The following ZNF451 variants were observed in gnomAD, a reference collection of about 807,000 sequenced individuals.
ZNF451 encodes zinc finger protein 451.
In ZNF451, 80 loss-of-function variants were observed where a neutral mutation model predicts 107.1. That is an observed-to-expected ratio of 0.75 (90% CI 0.62 to 0.90). The LOEUF (loss-of-function observed/expected upper bound fraction) is 0.90. Ranked by LOEUF, ZNF451 falls within the 40% of genes least tolerant of loss-of-function variation. The pLI is 0.00. For missense variants in ZNF451, 1,107 were observed against 1,236.2 expected (o/e 0.90, Z 1.57); for synonymous variants, 362 against 406.5 (o/e 0.89, Z 1.32).
At chr6:57,123,104 G>A (rs1026543299) in intron 3 of ZNF451, among the ~76,000 whole-genome samples, 2 of 152,138 alleles carry the variant, frequency 1.3e-5, no homozygotes, top group Admixed American at 6.5e-5. Flanking sequence ...GCAGGTCAGG[G>A]CTGCGGTGAG....
intron 3 of ZNF451, chr6:57,100,898 C>G (rs3800023): frequency 0.14 from 212,944 of 1,550,494 alleles, 15,610 homozygotes; most frequent in Middle Eastern, 0.2. Flanking sequence ...TTGGCCTCTT[C>G]TGAGGTCAAA....
chr6:57,144,948 T>G (rs1044974322), intron 9 of ZNF451, among the ~76,000 whole-genome samples: 1 of 152,110 alleles, frequency 6.6e-6, no homozygotes, highest in African/African-American at 2.4e-5. Context: ...AAAAAAGATA[T>G]GTGTGGCTTA....
intron 3 of ZNF451, chr6:57,104,212 C>CA: frequency 1.0e-6 from 1 of 985,344 alleles, no homozygotes. Context: ...TGAACAGAAA[C>CA]AAAGGCCTAA....
intron 3 of ZNF451, chr6:57,101,904 C>T: frequency 1.3e-6 from 2 of 1,550,382 alleles, no homozygotes; most frequent in Non-Finnish European, 8.7e-7. Flanking sequence ...TTGCAGAAGA[C>T]AACAATATAA....
intron 14 of ZNF451, chr6:57,165,396 C>G (rs1763851514): frequency 6.7e-6 from 1 of 149,416 alleles, no homozygotes; most frequent in Non-Finnish European, 1.5e-5. Flanking sequence ...CCCTTGGACT[C>G]TGTTTACTTT....
At chr6:57,105,353 T>C (rs1224446575) in intron 3 of ZNF451, 1 of 984,062 alleles carries the variant, frequency 1.0e-6, no homozygotes. Context: ...TTACTGTGTA[T>C]AGAGAAGTAC....
At chr6:57,162,033 T>C (rs956453759) in intron 14 of ZNF451, among the ~76,000 whole-genome samples, 2 of 152,232 alleles carry the variant, frequency 1.3e-5, no homozygotes, top group African/African-American at 4.8e-5. Context: ...ACTGCACTTT[T>C]TAATAACCTG....
intron 3 of ZNF451, chr6:57,104,545 C>T (rs750308067): frequency 1.9e-5 from 19 of 984,994 alleles, no homozygotes; most frequent in Non-Finnish European, 2.3e-5. Flanking sequence ...TTGTCTGAAA[C>T]GATTTTGGCA....
At chr6:57,101,058 G>A (rs1344198496) in intron 3 of ZNF451, 6 of 1,550,526 alleles carry the variant, frequency 3.9e-6, no homozygotes, top group Non-Finnish European at 5.2e-6. Context: ...GGCCAAGTGA[G>A]AACTCCTCAG....
chr6:57,108,347 A>C, intron 3 of ZNF451: 1 of 985,360 alleles, frequency 1.0e-6, no homozygotes, highest in Non-Finnish European at 1.2e-6. Flanking sequence ...TGTTAACTCT[A>C]CTTTTATTTG....
chr6:57,092,994 G>GGCTTT (rs1829122352), intron 2 of ZNF451: 1 of 152,188 alleles, frequency 6.6e-6, no homozygotes, highest in African/African-American at 2.4e-5. Context: ...ATACATCTAT[G>GGCTTT]TAAACAGCGC....
chr6:57,100,118 G>C (rs1351528419), intron 3 of ZNF451, among the ~76,000 whole-genome samples: 1 of 151,978 alleles, frequency 6.6e-6, no homozygotes, highest in Admixed American at 6.6e-5. Context: ...GTGAATGACA[G>C]AATTTTCAGA....
intron 6 of ZNF451, among the ~76,000 whole-genome samples, chr6:57,133,727 C>T (rs990037915): frequency 1.3e-5 from 2 of 152,130 alleles, no homozygotes; most frequent in Middle Eastern, 3.4e-3. Flanking sequence ...ACTCTGTCGC[C>T]CAGGATGGAG....
chr6:57,102,175 T>C, intron 3 of ZNF451: 1 of 1,437,032 alleles, frequency 7.0e-7, no homozygotes, highest in Admixed American at 3.0e-5. Context: ...AAATAGGATC[T>C]ACAGGTAGGA....
At chr6:57,154,122 T>C (rs768113728) in intron 13 of ZNF451, 75 bp downstream of exon 13, 1 of 1,409,280 alleles carries the variant, frequency 7.1e-7, no homozygotes, top group Non-Finnish European at 1.0e-6. Context: ...AATAAACTGC[T>C]GTCCGCTAGT....
intron 13 of ZNF451, among the ~76,000 whole-genome samples, chr6:57,156,604 TTCTA>T (rs1280417941): frequency 6.6e-6 from 1 of 152,184 alleles, no homozygotes; most frequent in Non-Finnish European, 1.5e-5. Context: ...GATGAAAACT[TTCTA>T]TACCCTCCAT....
At chr6:57,158,870 T>C (rs1763546788) in intron 13 of ZNF451, 3 of 985,314 alleles carry the variant, frequency 3.0e-6, no homozygotes, top group Non-Finnish European at 3.6e-6. Flanking sequence ...AAGCAGTAAG[T>C]AGGGTTGGCA....
intron 3 of ZNF451, chr6:57,103,809 TG>T: frequency 1.0e-6 from 1 of 985,386 alleles, no homozygotes; most frequent in Non-Finnish European, 1.2e-6. Flanking sequence ...ATGTTTTCTC[TG>T]GTGCCACACT....
At chr6:57,141,106 A>C (rs1295067729) in intron 7 of ZNF451, among the ~76,000 whole-genome samples, 196 bp from the exon 8 acceptor site, 1 of 152,218 alleles carries the variant, frequency 6.6e-6, no homozygotes, top group Non-Finnish European at 1.5e-5. Flanking sequence ...GAGGAAAAAA[A>C]ACTAAAAATT....
Sources: gnomAD v4.1 joint callset for allele counts (sites outside exome capture counted in the v4.1 genomes callset) on GRCh38, gnomAD v4.1.1 for gene constraint, MANE v1.5 for transcripts, NCBI Gene and HGNC (gene_info 2026-07-23, HGNC 2026-07-21) for gene names.